SUMF1: variants seen among roughly 807,000 people sequenced by gnomAD.
SUMF1 encodes formylglycine-generating enzyme.
Under a neutral mutation model 47.6 loss-of-function variants are expected in SUMF1, and 48 were observed. The ratio of observed to expected loss-of-function variants is 1.01; its 90% confidence interval spans 0.80 to 1.28. The LOEUF (loss-of-function observed/expected upper bound fraction) is 1.28, where lower values mean the gene tolerates loss of function less well. Ranked by LOEUF, SUMF1 falls within the 50% of genes most tolerant of loss-of-function variation. The probability of loss-of-function intolerance (pLI) is 0.00; values close to 1 mark genes in which losing one functional copy is unlikely to be tolerated. For missense variants in SUMF1, 571 were observed against 485.4 expected, an observed-to-expected ratio of 1.18 and a Z score of -1.66; for synonymous variants, 230 against 192.1, an observed-to-expected ratio of 1.20 and a Z score of -1.63.
At chr3:4,456,704 AC>A (rs2079623263) in intron 1 of SUMF1, among the ~76,000 whole-genome samples, 2 of 123,864 alleles carry the variant, frequency 1.6e-5, no homozygotes, top group Admixed American at 8.2e-5. Flanking sequence ...ATATATATAT[AC>A]GTATATATAT....
At chr3:4,262,635 A>G (rs1031808219) in intron 8 of SUMF1, among the ~76,000 whole-genome samples, 2 of 152,042 alleles carry the variant, frequency 1.3e-5, no homozygotes, top group African/African-American at 4.8e-5. Context: ...TTTACATTCT[A>G]TTTTCTCAGC....
At chr3:4,217,125 C>T (rs562272620) in intron 8 of SUMF1, among the ~76,000 whole-genome samples, 11 of 152,084 alleles carry the variant, frequency 7.2e-5, no homozygotes, top group African/African-American at 2.7e-4. Context: ...AAATGCCCAT[C>T]GATGATAGAC....
chr3:4,040,524 T>C (rs1195712086), intron 9 of SUMF1, among the ~76,000 whole-genome samples: 3 of 152,232 alleles, frequency 2.0e-5, no homozygotes, highest in African/African-American at 4.8e-5. Context: ...ATTGAAACAA[T>C]AGCAACTATA....
chr3:4,111,747 CA>C (rs1010004504), intron 8 of SUMF1, among the ~76,000 whole-genome samples: 2 of 151,782 alleles, frequency 1.3e-5, no homozygotes, highest in Non-Finnish European at 2.9e-5. Flanking sequence ...AAAAAAAACC[CA>C]AAAAAACCTT....
intron 7 of SUMF1, among the ~76,000 whole-genome samples, chr3:4,387,822 G>A (rs749869154): frequency 4.9e-4 from 74 of 152,126 alleles, no homozygotes; most frequent in Non-Finnish European, 8.5e-4. Context: ...GACTTCCCCT[G>A]TGACCTAAGG....
intron 8 of SUMF1, among the ~76,000 whole-genome samples, chr3:4,208,614 G>A (rs577791931): frequency 2.0e-5 from 3 of 151,952 alleles, no homozygotes; most frequent in East Asian, 1.9e-4. Flanking sequence ...AGTAACAAGC[G>A]GAGAGACGAA....
chr3:4,125,965 C>T (rs950041507), intron 8 of SUMF1, among the ~76,000 whole-genome samples: 3 of 152,106 alleles, frequency 2.0e-5, no homozygotes, highest in African/African-American at 7.2e-5. Flanking sequence ...GCATGAGCCA[C>T]CATGCCCAAC....
chr3:4,305,245 C>G (rs1350735561), intron 8 of SUMF1, among the ~76,000 whole-genome samples: 2 of 152,062 alleles, frequency 1.3e-5, no homozygotes, highest in East Asian at 3.9e-4. Flanking sequence ...ACAACCACGC[C>G]CAGCTGATTT....
At chr3:4,244,388 G>A (rs1057226325) in intron 8 of SUMF1, among the ~76,000 whole-genome samples, 1 of 152,182 alleles carries the variant, frequency 6.6e-6, no homozygotes, top group Non-Finnish European at 1.5e-5. Context: ...TTCTGCAGTG[G>A]CTGGTATCAG....
intron 9 of SUMF1, among the ~76,000 whole-genome samples, chr3:4,062,451 G>A (rs1208571143): frequency 6.6e-6 from 1 of 152,156 alleles, no homozygotes; most frequent in East Asian, 1.9e-4. Context: ...ATCAACTGTT[G>A]CTGCCAGACG....
At chr3:4,185,360 G>A (rs1247071925) in intron 8 of SUMF1, among the ~76,000 whole-genome samples, 1 of 152,126 alleles carries the variant, frequency 6.6e-6, no homozygotes, top group Non-Finnish European at 1.5e-5. Flanking sequence ...GGAGATAACA[G>A]ACTTATTTTA....
downstream of SUMF1, among the ~76,000 whole-genome samples, chr3:4,359,335 T>C (rs1055790362): frequency 6.6e-6 from 1 of 152,184 alleles, no homozygotes; most frequent in African/African-American, 2.4e-5. Context: ...TGGAGTACAG[T>C]GGCACAATCA....
intron 8 of SUMF1, among the ~76,000 whole-genome samples, chr3:4,215,091 C>T (rs191528655): frequency 6.6e-6 from 1 of 152,190 alleles, no homozygotes; most frequent in African/African-American, 2.4e-5. Context: ...AGAGACACAA[C>T]AAAAAAGGAA....
At chr3:4,212,026 C>A (rs910808736) in intron 8 of SUMF1, among the ~76,000 whole-genome samples, 6 of 152,174 alleles carry the variant, frequency 3.9e-5, no homozygotes, top group African/African-American at 4.8e-5. Flanking sequence ...AACGTCCCTG[C>A]CTGATGGCTC....
intron 8 of SUMF1, among the ~76,000 whole-genome samples, chr3:4,270,823 C>T (rs1030959485): frequency 1.3e-5 from 2 of 152,126 alleles, no homozygotes; most frequent in Admixed American, 6.6e-5. Flanking sequence ...TTGGTTTTCA[C>T]TTTGTTAGGA....
chr3:4,461,237 G>A (rs2633837), intron 1 of SUMF1, among the ~76,000 whole-genome samples: 32,092 of 152,182 alleles, frequency 0.21, 4,093 homozygotes, highest in Non-Finnish European at 0.3. Flanking sequence ...GTCAAGGACC[G>A]AACTAGGTTG....
chr3:4,332,332 G>C (rs1389280988), intron 8 of SUMF1, among the ~76,000 whole-genome samples: 3 of 152,140 alleles, frequency 2.0e-5, no homozygotes, highest in Non-Finnish European at 2.9e-5. Flanking sequence ...TTGTCAGCTA[G>C]GCAACCCTAA....
At chr3:4,363,617 C>T (rs201570888) in intron 8 of SUMF1, among the ~76,000 whole-genome samples, 4,583 of 150,496 alleles carry the variant, frequency 0.03, 234 homozygotes, top group South Asian at 0.22. Context: ...CTTAAGGAGA[C>T]TTTGGGCTGA....
intron 7 of SUMF1, among the ~76,000 whole-genome samples, chr3:4,377,762 A>G (rs1480842621): frequency 6.6e-6 from 1 of 152,238 alleles, no homozygotes; most frequent in Admixed American, 6.5e-5. Context: ...ATAGGCTCTA[A>G]TAAGCCAGAA....
Sources: allele counts gnomAD v4.1 joint callset (sites outside exome capture counted in the v4.1 genomes callset), GRCh38; gene constraint gnomAD v4.1.1; transcripts MANE v1.5; gene names NCBI Gene and HGNC (gene_info 2026-07-23, HGNC 2026-07-21).